C1QTNF3: variants seen among roughly 807,000 people sequenced by gnomAD.
C1QTNF3 encodes C1q and TNF related 3.
In C1QTNF3, 26 loss-of-function variants were observed where a neutral mutation model predicts 32.6. The observed-to-expected ratio is 0.80, with a 90% CI of 0.58 to 1.11. The LOEUF is 1.11. Ranked by LOEUF, C1QTNF3 falls within the 50% of genes least tolerant of loss-of-function variation. C1QTNF3 has a pLI of 0.00. For missense variants in C1QTNF3, 362 were observed against 398.2 expected (o/e 0.91, Z 0.77); for synonymous variants, 155 against 146.0 (o/e 1.06, Z -0.44).
chr5:34,214,031 G>C, the C1QTNF3 span, among the ~76,000 whole-genome samples: 1 of 149,190 alleles, frequency 6.7e-6, no homozygotes, highest in African/African-American at 2.5e-5. Flanking sequence ...GGCTGGTCTC[G>C]AACTCCTGAC....
At chr5:34,025,175 A>G (rs1371503556) in intron 4 of C1QTNF3, among the ~76,000 whole-genome samples, 1 of 152,230 alleles carries the variant, frequency 6.6e-6, no homozygotes, top group Non-Finnish European at 1.5e-5. Flanking sequence ...TGGCCCACAG[A>G]GGAAAAGTAA....
the C1QTNF3 span, among the ~76,000 whole-genome samples, chr5:34,197,126 G>A: frequency 2.6e-5 from 4 of 152,422 alleles, no homozygotes; most frequent in Non-Finnish European, 4.4e-5. Flanking sequence ...ACTAAGTTAA[G>A]TAAAACGTTC....
At chr5:34,045,552 T>C (rs1254195311), upstream of C1QTNF3, among the ~76,000 whole-genome samples, 1 of 152,208 alleles carries the variant, frequency 6.6e-6, no homozygotes, top group Non-Finnish European at 1.5e-5. Context: ...CACTGACTTC[T>C]GTTGGCAAAC....
At chr5:34,147,485 G>GA in the C1QTNF3 span, among the ~76,000 whole-genome samples, 1 of 152,102 alleles carries the variant, frequency 6.6e-6, no homozygotes, top group Non-Finnish European at 1.5e-5. Flanking sequence ...CAGAGCCATA[G>GA]AAAAAAGAAC....
chr5:34,222,579 A>G, the C1QTNF3 span, among the ~76,000 whole-genome samples: 24 of 152,000 alleles, frequency 1.6e-4, no homozygotes, highest in Non-Finnish European at 3.1e-4. Context: ...TATATATGCA[A>G]TTTCATAAAA....
intron 1 of C1QTNF3, among the ~76,000 whole-genome samples, chr5:34,036,356 CTTAT>C (rs1185010428): frequency 1.4e-4 from 21 of 152,006 alleles, no homozygotes; most frequent in African/African-American, 2.4e-4. Flanking sequence ...CATTTATTTA[CTTAT>C]TTAACTGACA....
At chr5:34,155,137 A>G in the C1QTNF3 span, among the ~76,000 whole-genome samples, 1 of 152,196 alleles carries the variant, frequency 6.6e-6, no homozygotes. Flanking sequence ...CTTGGCTATA[A>G]TCATCAAGAT....
chr5:34,119,962 T>C, the C1QTNF3 span, among the ~76,000 whole-genome samples: 1 of 152,170 alleles, frequency 6.6e-6, no homozygotes, highest in East Asian at 1.9e-4. Context: ...CTGGATATCT[T>C]TGGGGGCCTC....
At chr5:34,226,180 TGA>T in the C1QTNF3 span, among the ~76,000 whole-genome samples, 1 of 151,966 alleles carries the variant, frequency 6.6e-6, no homozygotes, top group South Asian at 2.1e-4. Flanking sequence ...TAAATTTTCT[TGA>T]GAGAATACCG....
the C1QTNF3 span, among the ~76,000 whole-genome samples, chr5:34,213,725 T>C: frequency 1.4e-5 from 2 of 141,522 alleles, no homozygotes; most frequent in Non-Finnish European, 3.0e-5. Flanking sequence ...TATGTATATA[T>C]ATACACGTAT....
At chr5:34,065,628 T>C in the C1QTNF3 span, among the ~76,000 whole-genome samples, 1 of 151,488 alleles carries the variant, frequency 6.6e-6, no homozygotes, top group South Asian at 2.1e-4. Flanking sequence ...AATCAAACCA[T>C]TGCACCCCAG....
At chr5:34,081,196 T>A in the C1QTNF3 span, among the ~76,000 whole-genome samples, 2 of 151,708 alleles carry the variant, frequency 1.3e-5, no homozygotes, top group African/African-American at 4.9e-5. Context: ...TAAAACAGAA[T>A]GGGTATGTTA....
chr5:34,198,259 T>TAAATAAAAATAAAAATAA, the C1QTNF3 span, among the ~76,000 whole-genome samples: 3 of 130,802 alleles, frequency 2.3e-5, no homozygotes, highest in African/African-American at 7.8e-5. Flanking sequence ...AATAAATAAA[T>TAAATAAAAATAAAAATAA]AAATAAAAAT....
the C1QTNF3 span, among the ~76,000 whole-genome samples, chr5:34,227,365 A>G: frequency 1.7e-4 from 26 of 152,052 alleles, no homozygotes; most frequent in African/African-American, 6.0e-4. Context: ...GGCTGCATGT[A>G]TGCTCTGTGT....
chr5:34,233,768 T>C, the C1QTNF3 span, among the ~76,000 whole-genome samples: 1 of 152,108 alleles, frequency 6.6e-6, no homozygotes, highest in Non-Finnish European at 1.5e-5. Context: ...ACTGTCTTAA[T>C]TGGAGGAAGC....
chr5:34,023,767 C>T (rs537921064), intron 5 of C1QTNF3, 142 bp downstream of exon 5: 12 of 565,290 alleles, frequency 2.1e-5, no homozygotes, highest in Non-Finnish European at 3.5e-5. Context: ...GATAATGTGG[C>T]CATACTGGTG....
chr5:34,036,756 A>T (rs1310628219), intron 1 of C1QTNF3, among the ~76,000 whole-genome samples: 1 of 152,166 alleles, frequency 6.6e-6, no homozygotes, highest in Non-Finnish European at 1.5e-5. Flanking sequence ...GTTGGAGACC[A>T]GCCTGGCCAG....
chr5:34,029,032 A>G lies in C1QTNF3; in HGVS notation c.571-149T>C, dbSNP rs975431044. The G allele has an allele frequency of 7.1e-5, 41 of 576,546 alleles. No individual in the cohort carries two copies. The African/African-American group carries it at 7.4e-4, about 10-fold the overall frequency. The allele number at this position is 576,546 out of a possible 1,614,324, so 35.7% of individuals were successfully genotyped here. A position where few individuals can be genotyped will look rare whatever the true frequency, so the allele number is the denominator to read the frequency against. On this transcript the variant is annotated intron_variant, in intron 3 of 5. Coordinates refer to ENST00000382065, the MANE Select transcript of C1QTNF3 (RefSeq NM_181435.6). ...AGAGAGAAACAAATAAATTATGGTA[A>G]TTCCAACATTTGAATGCTATGCAGC...
At chr5:34,058,330 T>C in the C1QTNF3 span, among the ~76,000 whole-genome samples, 1 of 152,118 alleles carries the variant, frequency 6.6e-6, no homozygotes, top group African/African-American at 2.4e-5. Context: ...GTTGCTGATT[T>C]AGGGTGAAGA....
Sources: allele counts gnomAD v4.1 joint callset (sites outside exome capture counted in the v4.1 genomes callset), GRCh38; gene constraint gnomAD v4.1.1; transcripts MANE v1.5; gene names NCBI Gene and HGNC (gene_info 2026-07-23, HGNC 2026-07-21).